Variants in COX10 observed in about 807,000 individuals in gnomAD.
COX10 encodes protoheme IX farnesyltransferase, mitochondrial.
In COX10, 27 loss-of-function variants were observed where a neutral mutation model predicts 37.3. The observed-to-expected ratio is 0.72, with a 90% CI of 0.53 to 1.00. The LOEUF (loss-of-function observed/expected upper bound fraction) is 1.00, where lower values mean the gene tolerates loss of function less well. COX10 is among the 50% of genes least tolerant of loss of function. COX10 has a pLI of 0.00. For missense variants in COX10, 475 were observed against 563.2 expected (o/e 0.84, Z 1.59); for synonymous variants, 222 against 229.1 (o/e 0.97, Z 0.28).
chr17:14,080,609 C>T (rs752006487), intron 3 of COX10, among the ~76,000 whole-genome samples: 24 of 152,088 alleles, frequency 1.6e-4, no homozygotes, highest in Admixed American at 9.2e-4. Context: ...GTTTTGTATG[C>T]GTTTTCATTA....
At chr17:14,204,066 T>C (rs572772359) in intron 6 of COX10, among the ~76,000 whole-genome samples, 18 of 152,290 alleles carry the variant, frequency 1.2e-4, no homozygotes, top group African/African-American at 3.8e-4. Context: ...GATAACTTAA[T>C]TGGCTCCCTT....
chr17:14,200,212 C>G (rs1906506217), intron 6 of COX10, among the ~76,000 whole-genome samples: 1 of 152,134 alleles, frequency 6.6e-6, no homozygotes, highest in Admixed American at 6.5e-5. Context: ...GGATTTTTGT[C>G]TCCATTCCAT....
chr17:14,144,393 G>A (rs925875422), intron 4 of COX10, among the ~76,000 whole-genome samples: 1 of 152,026 alleles, frequency 6.6e-6, no homozygotes, highest in Non-Finnish European at 1.5e-5. Context: ...TGCCTATTTT[G>A]TATTATAATT....
intron 4 of COX10, among the ~76,000 whole-genome samples, chr17:14,155,352 A>G (rs1353070740): frequency 1.3e-5 from 2 of 149,852 alleles, no homozygotes; most frequent in South Asian, 2.1e-4. Flanking sequence ...AAAAACAGCA[A>G]TCAAGTGACA....
chr17:14,187,850 C>T (rs938891746), intron 5 of COX10, among the ~76,000 whole-genome samples: 25 of 152,120 alleles, frequency 1.6e-4, no homozygotes, highest in Non-Finnish European at 1.0e-4. Flanking sequence ...GCTTCATTTT[C>T]GTTTGCATGG....
chr17:14,172,578 C>CTTTTTTTTTTTTTTTT (rs57560461), intron 5 of COX10, among the ~76,000 whole-genome samples: 1 of 105,634 alleles, frequency 9.5e-6, no homozygotes, highest in African/African-American at 3.4e-5. Flanking sequence ...TTTTCTTTTT[C>CTTTTTTTTTTTTTTTT]TTTTTTTTTT....
chr17:14,081,980 T>A (rs1915305894), intron 3 of COX10, among the ~76,000 whole-genome samples: 1 of 152,158 alleles, frequency 6.6e-6, no homozygotes, highest in Admixed American at 6.5e-5. Context: ...TACTGGCATA[T>A]CCAGGTGGAG....
chr17:14,165,231 A>G (rs1228426754), intron 5 of COX10, among the ~76,000 whole-genome samples: 2 of 152,182 alleles, frequency 1.3e-5, no homozygotes, highest in African/African-American at 4.8e-5. Flanking sequence ...TTGCTTTATT[A>G]TGCTTCATAG....
At chr17:14,098,274 G>C (rs1274830275) in intron 3 of COX10, among the ~76,000 whole-genome samples, 1 of 152,156 alleles carries the variant, frequency 6.6e-6, no homozygotes, top group Non-Finnish European at 1.5e-5. Flanking sequence ...TTTTAAGAGA[G>C]AAACCTCTGC....
chr17:14,083,513 T>C (rs1201125499), intron 3 of COX10, among the ~76,000 whole-genome samples: 1 of 152,194 alleles, frequency 6.6e-6, no homozygotes, highest in East Asian at 1.9e-4. Context: ...CCTCCTTTTG[T>C]TTATAGCTGT....
In COX10 at chr17:14,175,083, CGGGG is replaced by C. The variant is rs551562401; in HGVS notation, c.695+15147_695+15150del. On this transcript the variant is annotated intron_variant, in intron 5 of 6. Transcript: ENST00000261643. ...AAGATCAGTGGTTACTGGGAAATAG[CGGGG>C]GGGGGGGGGGTGGATAGGAGGGAAT... Among the ~76,000 whole-genome samples the C allele has an allele frequency of 4.3e-3, 70 of 16,368 alleles. 7 individuals carry two copies. In the South Asian group the frequency reaches 0.2, roughly 46 times the overall value. The allele number at this position is 16,368 out of a possible 152,430, so 10.7% of individuals were successfully genotyped here.
rs1303656487 is a variant in COX10, at chr17:14,155,672, G to A, written c.625-4205G>A. ...GGAGCTTGCAGTGAGCCAAGATTGT[G>A]CCACTGCACTCCAGCCTGGGCGATA... On this transcript the variant is annotated intron_variant, in intron 4 of 6. Coordinates refer to ENST00000261643, the MANE Select transcript of COX10 (RefSeq NM_001303.4). Among the ~76,000 whole-genome samples, 3 of 151,024 alleles carry A rather than the reference G, an allele frequency of 2.0e-5. No individual in the cohort carries two copies. In the East Asian group the frequency reaches 5.9e-4, roughly 29 times the overall value.
chr17:14,121,184 T>G lies in COX10; in HGVS notation c.624+18942T>G, dbSNP rs899362948. Among the ~76,000 whole-genome samples the G allele has an allele frequency of 2.0e-4, 30 of 152,248 alleles. 1 individual carries two copies. Among genetic ancestry groups the G allele is most frequent in the Non-Finnish European group, 3.1e-4 (21 of 68,042 alleles). On this transcript the variant is annotated intron_variant, in intron 4 of 6. Coordinates refer to ENST00000261643, the MANE Select transcript of COX10 (RefSeq NM_001303.4). Reference sequence around the variant, plus strand: ...TTATATCTTGTCTGCCTCAGCCAGATGTATTTCATCTCACCCTTGATATCA... The same window carrying G: ...TTATATCTTGTCTGCCTCAGCCAGAGGTATTTCATCTCACCCTTGATATCA...
chr17:14,149,610 A>G (rs532363660), intron 4 of COX10, among the ~76,000 whole-genome samples: 31 of 152,206 alleles, frequency 2.0e-4, no homozygotes, highest in Middle Eastern at 6.8e-3. Flanking sequence ...GCAGAAATAA[A>G]CTAGTTTTTA....
At chr17:14,168,605 C>G (rs1460930232) in intron 5 of COX10, among the ~76,000 whole-genome samples, 1 of 152,246 alleles carries the variant, frequency 6.6e-6, no homozygotes, top group East Asian at 1.9e-4. Context: ...AAGCCCAGCT[C>G]TTGTCTTCTG....
chr17:14,135,313 C>A (rs1293576942), intron 4 of COX10, among the ~76,000 whole-genome samples: 1 of 151,536 alleles, frequency 6.6e-6, no homozygotes, highest in African/African-American at 2.4e-5. Flanking sequence ...TATAAAATTT[C>A]TTTGGAACTA....
chr17:14,145,644 C>T (rs1025703410), intron 4 of COX10, among the ~76,000 whole-genome samples: 9 of 152,150 alleles, frequency 5.9e-5, no homozygotes. Context: ...GAGCATTTAA[C>T]TTTATTCCTT....
intron 3 of COX10, among the ~76,000 whole-genome samples, chr17:14,083,076 G>A (rs1029103057): frequency 7.9e-5 from 12 of 152,200 alleles, no homozygotes; most frequent in Non-Finnish European, 4.4e-5. Context: ...ACAGAAGAGA[G>A]GCATGCAAAG....
At chr17:14,160,565 T>G (rs976077777) in intron 5 of COX10, among the ~76,000 whole-genome samples, 2 of 152,210 alleles carry the variant, frequency 1.3e-5, no homozygotes, top group African/African-American at 4.8e-5. Context: ...ATACTGACTA[T>G]GTAAATCACT....
Sources: allele counts gnomAD v4.1 joint callset (sites outside exome capture counted in the v4.1 genomes callset), GRCh38; gene constraint gnomAD v4.1.1; transcripts MANE v1.5; gene names NCBI Gene and HGNC (gene_info 2026-07-23, HGNC 2026-07-21).